MAP3K14: variants seen among roughly 807,000 people sequenced by gnomAD.
MAP3K14 encodes NF-kappa-beta-inducing kinase.
In MAP3K14, 16 loss-of-function variants were observed where a neutral mutation model predicts 99.2. The observed-to-expected ratio is 0.16, with a 90% CI of 0.11 to 0.24. The LOEUF (loss-of-function observed/expected upper bound fraction) is 0.24. MAP3K14 is among the 10% of genes least tolerant of loss of function. The probability of loss-of-function intolerance (pLI) is 1.00; values close to 1 mark genes in which losing one functional copy is unlikely to be tolerated. For missense variants in MAP3K14, 784 were observed against 1,208.7 expected (o/e 0.65, Z 5.21); for synonymous variants, 462 against 492.4 (o/e 0.94, Z 0.82).
intron 14 of MAP3K14, among the ~76,000 whole-genome samples, chr17:45,265,646 C>T (rs1246001901): frequency 2.0e-5 from 3 of 152,168 alleles, no homozygotes; most frequent in Non-Finnish European, 4.4e-5. Flanking sequence ...CCATGTTGGC[C>T]AGGCTGGTCT....
At chr17:45,315,680 T>G (rs1014747794) in intron 1 of MAP3K14, among the ~76,000 whole-genome samples, 2 of 152,194 alleles carry the variant, frequency 1.3e-5, no homozygotes, top group Non-Finnish European at 1.5e-5. Flanking sequence ...AGTTCTATAA[T>G]GTGGTCCTGA....
At chr17:45,312,078 C>T (rs936962397) in intron 1 of MAP3K14, among the ~76,000 whole-genome samples, 1 of 152,346 alleles carries the variant, frequency 6.6e-6, no homozygotes, top group African/African-American at 2.4e-5. Flanking sequence ...GGGCTCCTCA[C>T]GAAGGTCTGC....
intron 6 of MAP3K14, among the ~76,000 whole-genome samples, chr17:45,277,275 G>C (rs188812582): frequency 4.7e-4 from 72 of 152,108 alleles, no homozygotes; most frequent in Non-Finnish European, 7.9e-4. Flanking sequence ...TTAGCATTAG[G>C]TATATCTCCT....
chr17:45,280,866 C>T (rs2044217046), intron 6 of MAP3K14, among the ~76,000 whole-genome samples: 1 of 152,082 alleles, frequency 6.6e-6, no homozygotes, highest in Non-Finnish European at 1.5e-5. Flanking sequence ...CCGCTTTGGC[C>T]TTCCAAAGTG....
At chr17:45,310,680 AC>A (rs2044468918) in intron 1 of MAP3K14, among the ~76,000 whole-genome samples, 1 of 152,184 alleles carries the variant, frequency 6.6e-6, no homozygotes, top group African/African-American at 2.4e-5. Flanking sequence ...AGCTTCGTGC[AC>A]TGTGGGTTTG....
At chr17:45,300,215 C>A (rs2044375721) in intron 1 of MAP3K14, among the ~76,000 whole-genome samples, 1 of 152,210 alleles carries the variant, frequency 6.6e-6, no homozygotes, top group South Asian at 2.1e-4. Context: ...CTGGCCGGCC[C>A]TAGCCGTGCA....
chr17:45,308,442 G>A (rs773663551), intron 1 of MAP3K14, among the ~76,000 whole-genome samples: 1 of 152,228 alleles, frequency 6.6e-6, no homozygotes, highest in Admixed American at 6.5e-5. Flanking sequence ...CTCACTTGGA[G>A]GGGTGGGAGG....
rs779385068 is a variant in MAP3K14 at position 45,274,473 on chromosome 17, G to A, written c.1411C>T (p.Leu471=). Residue 471 remains leucine, a synonymous_variant, in exon 7 of 16, where the codon CTG becomes TTG. Transcript: ENST00000344686. ...GGACCTGGCTCCTTACCTTCCAGCA[G>A]CTCCATGAAGATGTTGACCCAAGGC... The part of the protein sequence containing the change: ...EGPWVNIFME[L]LEGGSLGQLV... The A allele has an allele frequency of 6.2e-7, 1 of 1,613,890 alleles. No homozygotes were observed. Among genetic ancestry groups the A allele is most frequent in the South Asian group, 1.1e-5 (1 of 91,042 alleles).
chr17:45,267,308 G>A lies in MAP3K14; in HGVS notation c.2326+98C>T, dbSNP rs2044096033. On this transcript the variant is annotated intron_variant, in intron 12 of 15. Transcript: ENST00000344686. This position sits in a 1 kb window ranked among gnomAD's most constrained non-coding sequence, Gnocchi z 5.1. The stretch of plus-strand genomic sequence containing the variant: ...AAGCTGAGCTGCTGGGGAAGGGGCT[G>A]GAAGAAAGCCCACACCGCAGGTAAA... 6.3e-6 allele frequency: 9 copies of A among 1,428,424 alleles called. No individual in the cohort carries two copies. The East Asian group carries it at 2.2e-4, about 36-fold the overall frequency. 88.5% of individuals were successfully genotyped at this position (1,428,424 alleles called of 1,614,324 possible).
intron 6 of MAP3K14, among the ~76,000 whole-genome samples, chr17:45,275,892 GC>G (rs2044176657): frequency 6.6e-6 from 1 of 151,610 alleles, no homozygotes; most frequent in Non-Finnish European, 1.5e-5. Context: ...CTCCCGAGTA[GC>G]TGGGACTACA....
chr17:45,266,311 TG>T, intron 14 of MAP3K14: 1 of 472,274 alleles, frequency 2.1e-6, no homozygotes. Flanking sequence ...CAACTGACAA[TG>T]AGGGGATAAT....
Position 45,289,121 on chromosome 17 carries a change from A to G in MAP3K14, c.326+115T>C, listed in dbSNP as rs1308222619. ...CTGGGTGAGTTCCAGGAGCTGAACC[A>G]CAGGTGCTGAGGGAGGGAGCCCGGG... On this transcript the variant is annotated intron_variant, in intron 3 of 15. Coordinates refer to ENST00000344686, the MANE Select transcript of MAP3K14 (RefSeq NM_003954.5). 4 of 808,564 alleles carry G rather than the reference A, an allele frequency of 4.9e-6. No individual in the cohort carries two copies. The Admixed American group carries it at 7.4e-5, about 15-fold the overall frequency. 50.1% of individuals were successfully genotyped at this position (808,564 alleles called of 1,614,324 possible). A position where few individuals can be genotyped will look rare whatever the true frequency, so the allele number is the denominator to read the frequency against.
In MAP3K14 at chr17:45,287,466, C is replaced by T. The variant is rs1049942312; in HGVS notation, c.327-102G>A. On this transcript the variant is annotated intron_variant, in intron 3 of 15. Transcript: ENST00000344686. The stretch of plus-strand genomic sequence containing the variant: ...GACTCCTGCAGATCCAAGGTCAAAT[C>T]CCAGGTTGCCATTCCTTGTGTGAAT... 9.2e-5 allele frequency: 89 copies of T among 969,376 alleles called. No individual in the cohort carries two copies. The Middle Eastern group carries it at 1.6e-3, about 17-fold the overall frequency. 60.0% of individuals were successfully genotyped at this position (969,376 alleles called of 1,614,324 possible).
chr17:45,267,442 T>G lies in MAP3K14; in HGVS notation c.2290A>C (p.Thr764Pro), dbSNP rs56302559. 5.6e-6 allele frequency: 9 copies of G among 1,606,994 alleles called. No individual in the cohort carries two copies. Among genetic ancestry groups the G allele is most frequent in the Non-Finnish European group, 7.6e-6 (9 of 1,176,716 alleles). Residue 764 changes from threonine (T) to proline (P), a missense_variant, in exon 12 of 16, where the codon ACC (threonine) becomes CCC (proline). Transcript: ENST00000344686. This position sits in a 1 kb window ranked among gnomAD's most constrained non-coding sequence, Gnocchi z 5.1. ...RNPSSPERKA[T>P]VPEQELQQLE... ...TGCTGCAGTTCCTGCTCCGGGACGG[T>G]TGCTTTCCGCTCTGGTGAGCTGGGG...
At chr17:45,278,187 G>A (rs547454032) in intron 6 of MAP3K14, among the ~76,000 whole-genome samples, 3 of 152,176 alleles carry the variant, frequency 2.0e-5, no homozygotes, top group Non-Finnish European at 4.4e-5. Context: ...GCAGAAATCT[G>A]TAAGTCCTCT....
intron 1 of MAP3K14, among the ~76,000 whole-genome samples, chr17:45,296,762 T>G (rs1358065979): frequency 6.6e-6 from 1 of 152,234 alleles, no homozygotes; most frequent in Non-Finnish European, 1.5e-5. Context: ...TCTGATTCTC[T>G]TCTTCTGCCC....
intron 1 of MAP3K14, among the ~76,000 whole-genome samples, chr17:45,294,132 A>G (rs1468005198): frequency 6.6e-6 from 1 of 152,214 alleles, no homozygotes; most frequent in African/African-American, 2.4e-5. Flanking sequence ...CACTCTCCTC[A>G]GCTTATTCAC....
chr17:45,285,353 T>C (rs966461408), intron 5 of MAP3K14, among the ~76,000 whole-genome samples: 10 of 151,976 alleles, frequency 6.6e-5, no homozygotes, highest in Admixed American at 1.3e-4. Context: ...GGGCCAGGCA[T>C]GGTGGCTCAC....
In MAP3K14 at chr17:45,267,585, G is replaced by C. The variant is rs202201840; in HGVS notation, c.2147C>G (p.Pro716Arg). The C allele has an allele frequency of 8.1e-5, 130 of 1,613,042 alleles. No homozygotes were observed. The highest frequency in any genetic ancestry group is 6.7e-5 in the African/African-American group (5 of 74,860). ...TGGCTCTGGGGGCTCTGGTGGGAGA[G>C]GAGGCTGGAGCTTAGGGGCTCTGCC... is the stretch of plus-strand genomic sequence containing the variant. ...TTGRAPKLQP[P>R]LPPEPPEPNK... is the part of the protein sequence containing the mutation. The change falls in exon 12 of 16, where the codon CCT becomes CGT. Residue 716 changes from proline (P) to arginine (R), a missense_variant. By Grantham distance (103) the Pro-to-Arg change is moderately radical. Around this residue, in one of 5 missense-constraint regions of MAP3K14, gnomAD observed 128 missense variants for 143.3 expected, o/e 0.89. Coordinates refer to ENST00000344686, the MANE Select transcript of MAP3K14 (RefSeq NM_003954.5). The surrounding 1 kb of genome is among the most constrained non-coding windows in gnomAD (Gnocchi z 5.1).
Sources: gnomAD v4.1 joint callset for allele counts (sites outside exome capture counted in the v4.1 genomes callset) on GRCh38, gnomAD v4.1.1 for gene constraint, gnomAD v4.1.1 regional missense constraint, Gnocchi (gnomAD v3.1) non-coding constraint, MANE v1.5 for transcripts, NCBI Gene and HGNC (gene_info 2026-07-23, HGNC 2026-07-21) for gene names.